Variants in SCAMP1 observed in about 807,000 individuals in gnomAD.
The protein encoded by SCAMP1 is secretory carrier membrane protein 1.
SCAMP1 carries 15 observed loss-of-function variants against 41.8 expected under a neutral mutation model. The ratio of observed to expected loss-of-function variants is 0.36; its 90% CI spans 0.24 to 0.55. SCAMP1 has a LOEUF of 0.55. SCAMP1 is among the 20% of genes least tolerant of loss of function. The pLI is 0.86. For missense variants in SCAMP1, 341 were observed against 412.6 expected, an observed-to-expected ratio of 0.83 and a Z score of 1.50; for synonymous variants, 135 against 136.8, an observed-to-expected ratio of 0.99 and a Z score of 0.09.
chr5:78,383,205 T>A lies in SCAMP1; in HGVS notation c.58-5632T>A, dbSNP rs962850619. Among the ~76,000 whole-genome samples, 8 of 152,198 alleles carry A rather than the reference T, an allele frequency of 5.3e-5. No homozygotes were observed. In the South Asian group the frequency reaches 6.2e-4, roughly 12 times the overall value. On this transcript the variant is annotated intron_variant, in intron 1 of 8. Coordinates refer to ENST00000621999, the MANE Select transcript of SCAMP1 (RefSeq NM_004866.6). ...CCTGATAATGAGTGATGTTGAGCAT[T>A]TTTCATATGTTTATGGGCCATTTGT... is the stretch of plus-strand genomic sequence containing the variant.
intron 2 of SCAMP1, among the ~76,000 whole-genome samples, chr5:78,415,191 G>GGCT (rs1752180329): frequency 6.6e-6 from 1 of 152,082 alleles, no homozygotes; most frequent in Admixed American, 6.5e-5. Flanking sequence ...TGACTTAGGT[G>GGCT]ATCTACACGC....
rs1752390087 is a variant in SCAMP1, at chr5:78,423,444, TG to T, written c.632+1485del. On this transcript the variant is annotated intron_variant, in intron 6 of 8. Transcript: ENST00000621999. ...TGTTTTTTGTTAGTTTGTTTTGTTT[TG>T]TTTTTTTTGGACATCTAACCTCTGC... Among the ~76,000 whole-genome samples, 6 of 152,344 alleles carry T rather than the reference TG, an allele frequency of 3.9e-5. No homozygotes were observed. In the South Asian group the frequency reaches 1.2e-3, roughly 32 times the overall value.
At chr5:78,441,186 G>C (rs1313014825) in intron 6 of SCAMP1, among the ~76,000 whole-genome samples, 1 of 152,142 alleles carries the variant, frequency 6.6e-6, no homozygotes, top group East Asian at 1.9e-4. Flanking sequence ...CCCTGCTTCG[G>C]CTCACCCTCC....
chr5:78,372,449 G>C (rs1481194923), intron 1 of SCAMP1, among the ~76,000 whole-genome samples: 1 of 152,130 alleles, frequency 6.6e-6, no homozygotes, highest in Non-Finnish European at 1.5e-5. Flanking sequence ...TGTACCCAAA[G>C]AGGGGGAAGG....
intron 1 of SCAMP1, among the ~76,000 whole-genome samples, chr5:78,383,911 G>T (rs1472896721): frequency 6.6e-6 from 1 of 152,034 alleles, no homozygotes; most frequent in Non-Finnish European, 1.5e-5. Context: ...CTTTGGCTAT[G>T]TGGGCTCCTT....
intron 6 of SCAMP1, among the ~76,000 whole-genome samples, chr5:78,449,170 A>G (rs1214791740): frequency 6.6e-6 from 1 of 152,096 alleles, no homozygotes. Context: ...CTTGTACATG[A>G]CTATTAATAA....
chr5:78,453,115 T>C (rs1753284926), intron 7 of SCAMP1, among the ~76,000 whole-genome samples: 2 of 150,712 alleles, frequency 1.3e-5, no homozygotes, highest in Non-Finnish European at 2.9e-5. Context: ...GTTGCGAAAA[T>C]TTTCTCCCAT....
chr5:78,402,432 A>G (rs1045367300), intron 2 of SCAMP1, among the ~76,000 whole-genome samples: 3 of 152,262 alleles, frequency 2.0e-5, no homozygotes, highest in East Asian at 3.9e-4. Context: ...GTCTACAACT[A>G]TAATAGTAGT....
intron 2 of SCAMP1, among the ~76,000 whole-genome samples, chr5:78,393,924 G>A (rs1249185489): frequency 6.6e-6 from 1 of 152,176 alleles, no homozygotes; most frequent in Non-Finnish European, 1.5e-5. Flanking sequence ...GGTATTGAAG[G>A]TAAGGGATAG....
intron 8 of SCAMP1, among the ~76,000 whole-genome samples, chr5:78,469,890 TAAAAAAA>T (rs141989832): frequency 1.6e-3 from 24 of 15,026 alleles, no homozygotes; most frequent in East Asian, 0.015. Flanking sequence ...TACAAGACAT[TAAAAAAA>T]AAAAAAAAAA....
chr5:78,405,354 C>T (rs746552734), intron 2 of SCAMP1, among the ~76,000 whole-genome samples: 10 of 152,276 alleles, frequency 6.6e-5, no homozygotes, highest in African/African-American at 2.4e-4. Flanking sequence ...CTGTCTAGCA[C>T]GCTGATTCCT....
chr5:78,360,617 G>T lies in SCAMP1; in HGVS notation c.-55G>T, dbSNP rs1750612094. The T allele has an allele frequency of 1.9e-6, 3 of 1,544,894 alleles. No individual in the cohort carries two copies. The highest frequency in any genetic ancestry group is 1.8e-6 in the Non-Finnish European group (2 of 1,139,824). On this transcript the variant is annotated 5_prime_UTR_variant, in exon 1 of 9. Coordinates refer to ENST00000621999, the MANE Select transcript of SCAMP1 (RefSeq NM_004866.6). ...GAGCGCGCAGGGGGGCGGCGGCCTC[G>T]CCTCGTCTCTCTCTCTGCGCCTGGG... is the stretch of plus-strand genomic sequence containing the variant.
At chr5:78,431,148 A>G (rs981034176) in intron 6 of SCAMP1, among the ~76,000 whole-genome samples, 2 of 152,068 alleles carry the variant, frequency 1.3e-5, no homozygotes, top group African/African-American at 2.4e-5. Flanking sequence ...GAAACCATAT[A>G]GATATAACAT....
intron 1 of SCAMP1, among the ~76,000 whole-genome samples, chr5:78,372,679 C>T (rs1456802775): frequency 2.6e-5 from 4 of 152,142 alleles, no homozygotes; most frequent in Non-Finnish European, 5.9e-5. Flanking sequence ...CTGTTATCCT[C>T]ACTTCAAGTC....
At chr5:78,434,141 G>A (rs1396981353) in intron 6 of SCAMP1, among the ~76,000 whole-genome samples, 2 of 152,186 alleles carry the variant, frequency 1.3e-5, no homozygotes, top group East Asian at 3.9e-4. Context: ...CACCTGGTGA[G>A]ATCTGTGGAG....
At chr5:78,458,213 ATGTTTAGTTTTC>A (rs940291846) in intron 7 of SCAMP1, among the ~76,000 whole-genome samples, 3 of 151,914 alleles carry the variant, frequency 2.0e-5, no homozygotes, top group African/African-American at 2.4e-5. Flanking sequence ...TCCTCTCCGC[ATGTTTAGTTTTC>A]TAAAGAAACA....
chr5:78,475,381 G>C (rs143766117), intron 8 of SCAMP1, 123 bp from the exon 9 acceptor site: 1 of 590,568 alleles, frequency 1.7e-6, no homozygotes, highest in African/African-American at 1.9e-5. Context: ...TAATATTCTT[G>C]ATCTTAGGAA....
intron 7 of SCAMP1, among the ~76,000 whole-genome samples, chr5:78,450,398 A>G (rs550916648): frequency 2.0e-5 from 3 of 152,346 alleles, no homozygotes; most frequent in Admixed American, 1.3e-4. Flanking sequence ...GATACCTATT[A>G]TGTATAAAGC....
intron 6 of SCAMP1, among the ~76,000 whole-genome samples, chr5:78,423,037 CACACACACACACACAG>C (rs1752380712): frequency 1.6e-5 from 2 of 124,726 alleles, no homozygotes; most frequent in Admixed American, 1.5e-4. Context: ...CACACACACA[CACACACACACACACAG>C]AGTTAGAAAC....
Sources: allele counts gnomAD v4.1 joint callset (sites outside exome capture counted in the v4.1 genomes callset), GRCh38; gene constraint gnomAD v4.1.1; transcripts MANE v1.5; gene names NCBI Gene and HGNC (gene_info 2026-07-23, HGNC 2026-07-21).